The following SLC24A4 variants were observed in gnomAD, a reference collection of about 807,000 sequenced individuals.
SLC24A4 encodes the protein sodium/potassium/calcium exchanger 4.
Under a neutral mutation model 79.0 loss-of-function variants are expected in SLC24A4, and 53 were observed. That is an observed-to-expected ratio of 0.67 (90% CI 0.54 to 0.84). SLC24A4 has a LOEUF of 0.84. SLC24A4 is among the 40% of genes least tolerant of loss of function. SLC24A4 has a pLI of 0.00. For missense variants in SLC24A4, 731 were observed against 822.0 expected, an observed-to-expected ratio of 0.89 and a Z score of 1.35; for synonymous variants, 323 against 323.8, an observed-to-expected ratio of 1.00 and a Z score of 0.03.
intron 1 of SLC24A4, among the ~76,000 whole-genome samples, chr14:92,324,713 C>G (rs1464321962): frequency 6.6e-6 from 1 of 152,204 alleles, no homozygotes; most frequent in Admixed American, 6.5e-5. Flanking sequence ...CATTCACTTC[C>G]CTAATCGTCT....
At position 92,454,085 on chromosome 14, in the gene SLC24A4, G is replaced by A. The variant is rs989721991; in HGVS notation, c.1050+16G>A. On this transcript the variant is annotated intron_variant, in intron 11 of 16. Transcript: ENST00000532405. ...CATTAATGAGGTGAGTTTGCTTGAA[G>A]GACCATAAAAGTGAGCAGCCTTGGA... is the stretch of plus-strand genomic sequence containing the variant. The A allele has an allele frequency of 6.2e-7, 1 of 1,609,382 alleles. No individual in the cohort carries two copies. Among genetic ancestry groups the A allele is most frequent in the Non-Finnish European group, 8.5e-7 (1 of 1,177,790 alleles).
intron 2 of SLC24A4, among the ~76,000 whole-genome samples, chr14:92,369,079 C>T (rs1356138940): frequency 1.3e-5 from 2 of 152,202 alleles, no homozygotes; most frequent in Non-Finnish European, 2.9e-5. Context: ...CTGATCACCC[C>T]ACAATGAGGC....
At chr14:92,460,726 C>T (rs1893749067) in intron 12 of SLC24A4, among the ~76,000 whole-genome samples, 1 of 152,194 alleles carries the variant, frequency 6.6e-6, no homozygotes, top group South Asian at 2.1e-4. Context: ...AGCAGATGAC[C>T]ACACAATGTT....
At chr14:92,469,855 T>G (rs914683132) in intron 12 of SLC24A4, among the ~76,000 whole-genome samples, 6 of 152,110 alleles carry the variant, frequency 3.9e-5, no homozygotes, top group Admixed American at 2.6e-4. Flanking sequence ...ACGCCCAGAA[T>G]AGTCAAATCT....
intron 2 of SLC24A4, among the ~76,000 whole-genome samples, chr14:92,425,025 T>G (rs1018823262): frequency 2.6e-5 from 4 of 152,144 alleles, no homozygotes; most frequent in Non-Finnish European, 4.4e-5. Context: ...GCTCCAAGAT[T>G]GGGGATCACA....
intron 2 of SLC24A4, among the ~76,000 whole-genome samples, chr14:92,370,822 G>A (rs1168626817): frequency 6.6e-6 from 1 of 152,156 alleles, no homozygotes; most frequent in Non-Finnish European, 1.5e-5. Context: ...GTTTAAAAAA[G>A]TGTCTAGAAG....
chr14:92,441,052 G>A lies in SLC24A4; in HGVS notation c.394-1037G>A, dbSNP rs986937155. The stretch of plus-strand genomic sequence containing the variant: ...GTGGCCGGCTTCTGCCCTGGAGATC[G>A]ATGCTGTGCCCCCACCCCAGACTCC... On this transcript the variant is annotated intron_variant, in intron 4 of 16. Transcript: ENST00000532405. This position sits in a 1 kb window ranked among gnomAD's most constrained non-coding sequence, Gnocchi z 4.6. Among the ~76,000 whole-genome samples the A allele has an allele frequency of 2.6e-5, 4 of 152,058 alleles. No homozygotes were observed. Among genetic ancestry groups the A allele is most frequent in the African/African-American group, 9.7e-5 (4 of 41,372 alleles).
chr14:92,380,582 T>A (rs1156659019), intron 2 of SLC24A4, among the ~76,000 whole-genome samples: 4 of 152,248 alleles, frequency 2.6e-5, no homozygotes, highest in Non-Finnish European at 4.4e-5. Context: ...AACCTAGACC[T>A]TCCCGGCAAC....
chr14:92,366,823 C>T (rs748231098), intron 2 of SLC24A4, among the ~76,000 whole-genome samples: 2 of 152,164 alleles, frequency 1.3e-5, no homozygotes, highest in African/African-American at 2.4e-5. Flanking sequence ...TTTAAAACAA[C>T]CCTGGAATAG....
At chr14:92,454,900 C>A (rs962453986) in intron 11 of SLC24A4, among the ~76,000 whole-genome samples, 3 of 144,560 alleles carry the variant, frequency 2.1e-5, no homozygotes, top group African/African-American at 7.3e-5. Flanking sequence ...TTGACCGAAT[C>A]CAGGCCGTCT....
In SLC24A4 at chr14:92,467,909, G is replaced by GC. The variant is rs1894212321; in HGVS notation, c.1255+11303dup. Among the ~76,000 whole-genome samples the GC allele has an allele frequency of 2.0e-5, 3 of 152,166 alleles. No individual in the cohort carries two copies. The South Asian group carries it at 6.2e-4, about 31-fold the overall frequency. On this transcript the variant is annotated intron_variant, in intron 12 of 16. Transcript: ENST00000532405. Reference sequence around the variant, plus strand: ...CCAGCCCTGCTGGACGTAGTGCCTCGCCACTTCTATTCCACATTATGCTGA... The same window carrying GC: ...CCAGCCCTGCTGGACGTAGTGCCTCGCCCACTTCTATTCCACATTATGCTGA...
chr14:92,354,142 C>T (rs1002652475), intron 2 of SLC24A4, among the ~76,000 whole-genome samples: 1 of 151,468 alleles, frequency 6.6e-6, no homozygotes, highest in Non-Finnish European at 1.5e-5. Flanking sequence ...GCCAGGTGAT[C>T]GTACACCATA....
At position 92,323,696 on chromosome 14, in the gene SLC24A4, A is replaced by T; in HGVS notation, c.-135A>T. On this transcript the variant is annotated 5_prime_UTR_variant, in exon 1 of 17. Coordinates refer to ENST00000532405, the MANE Select transcript of SLC24A4 (RefSeq NM_153646.4). This position sits in a 1 kb window ranked among gnomAD's most constrained non-coding sequence, Gnocchi z 4.9. Reference sequence around the variant, plus strand: ...CCGCCGACCTCGCCCTCGGGCCATGAGGCTTTGGCCCGGAGCTCCTCGCCT... The same window carrying T: ...CCGCCGACCTCGCCCTCGGGCCATGTGGCTTTGGCCCGGAGCTCCTCGCCT... 1 of 1,160,390 alleles carries T rather than the reference A, an allele frequency of 8.6e-7. No individual in the cohort carries two copies. The highest frequency in any genetic ancestry group is 2.9e-5 in the East Asian group (1 of 35,020). 71.9% of individuals were successfully genotyped at this position (1,160,390 alleles called of 1,614,324 possible). A position where few individuals can be genotyped will look rare whatever the true frequency, so the allele number is the denominator to read the frequency against.
At chr14:92,479,753 A>G (rs1055687811) in intron 12 of SLC24A4, among the ~76,000 whole-genome samples, 4 of 152,196 alleles carry the variant, frequency 2.6e-5, no homozygotes, top group East Asian at 1.9e-4. Flanking sequence ...CTACTGTTCT[A>G]TTTTTTGAAA....
At chr14:92,383,366 C>T (rs1466626474) in intron 2 of SLC24A4, among the ~76,000 whole-genome samples, 1 of 152,168 alleles carries the variant, frequency 6.6e-6, no homozygotes, top group Non-Finnish European at 1.5e-5. Context: ...ACAGGCCACA[C>T]AAGCGCTCAC....
At chr14:92,343,994 C>G (rs796322897) in intron 2 of SLC24A4, among the ~76,000 whole-genome samples, 46 of 152,324 alleles carry the variant, frequency 3.0e-4, no homozygotes, top group African/African-American at 1.1e-3. Flanking sequence ...TGAGCCACCA[C>G]GCCCAACCAA....
chr14:92,366,300 T>C lies in SLC24A4; in HGVS notation c.241+40322T>C, dbSNP rs1183926481. ...TCCTGCTGGTGTACCAAGACCCCTC[T>C]GGTGGGCAGATGGTCCTGAGGTGAC... On this transcript the variant is annotated intron_variant, in intron 2 of 16. Transcript: ENST00000532405. Among the ~76,000 whole-genome samples, 9 of 152,190 alleles carry C rather than the reference T, an allele frequency of 5.9e-5. 1 individual carries two copies. Among genetic ancestry groups the C allele is most frequent in the Admixed American group, 5.9e-4 (9 of 15,286 alleles).
At chr14:92,440,784 G>T (rs182140419) in intron 4 of SLC24A4, among the ~76,000 whole-genome samples, 1 of 151,884 alleles carries the variant, frequency 6.6e-6, no homozygotes, top group South Asian at 2.1e-4. Context: ...GGAGAAATCT[G>T]GGAAGGCTTC....
chr14:92,337,630 A>T (rs1168406530), intron 2 of SLC24A4, among the ~76,000 whole-genome samples: 1 of 152,032 alleles, frequency 6.6e-6, no homozygotes, highest in Non-Finnish European at 1.5e-5. Context: ...TGAACTAGTG[A>T]TCTTGCCTTT....
Sources: gnomAD v4.1 joint callset for allele counts (sites outside exome capture counted in the v4.1 genomes callset) on GRCh38, gnomAD v4.1.1 for gene constraint, Gnocchi (gnomAD v3.1) non-coding constraint, MANE v1.5 for transcripts, NCBI Gene and HGNC (gene_info 2026-07-23, HGNC 2026-07-21) for gene names.